Variants in SRRM4 observed in about 807,000 individuals in gnomAD.
SRRM4 encodes serine/arginine repetitive matrix protein 4.
A neutral mutation model predicts 68.9 loss-of-function variants in SRRM4; 33 were observed. The ratio of observed to expected loss-of-function variants is 0.48; its 90% CI spans 0.36 to 0.64. The LOEUF (loss-of-function observed/expected upper bound fraction) is 0.64, where lower values mean the gene tolerates loss of function less well. SRRM4 is among the 30% of genes least tolerant of loss of function. The pLI, the probability that SRRM4 is intolerant of heterozygous loss-of-function variation, is 0.00. For synonymous variants in SRRM4, 318 were observed against 318.8 expected, an observed-to-expected ratio of 1.00 and a Z score of 0.03; for missense variants, 817 against 827.1, an observed-to-expected ratio of 0.99 and a Z score of 0.15.
intron 8 of SRRM4, among the ~76,000 whole-genome samples, chr12:119,135,990 T>A (rs1444096296): frequency 6.6e-6 from 1 of 152,076 alleles, no homozygotes; most frequent in African/African-American, 2.4e-5. Flanking sequence ...ACACTAAGCA[T>A]CTACTGTCCT....
chr12:119,102,073 T>G (rs933813311), intron 1 of SRRM4, among the ~76,000 whole-genome samples, 163 bp from the exon 2 acceptor site: 1 of 152,204 alleles, frequency 6.6e-6, no homozygotes, highest in Non-Finnish European at 1.5e-5. Flanking sequence ...GGAAATTACA[T>G]GTGTTCCCTC....
chr12:119,003,997 T>C (rs1346465660), intron 1 of SRRM4, among the ~76,000 whole-genome samples: 3 of 152,072 alleles, frequency 2.0e-5, no homozygotes. Context: ...AATTGATCAG[T>C]TATTTAATTA....
chr12:119,075,258 C>A (rs1380686295), intron 1 of SRRM4, among the ~76,000 whole-genome samples: 1 of 152,158 alleles, frequency 6.6e-6, no homozygotes, highest in Non-Finnish European at 1.5e-5. Context: ...GATATTGTTT[C>A]TTCTTATTTA....
intron 8 of SRRM4, among the ~76,000 whole-genome samples, chr12:119,143,405 C>A (rs1592915410): frequency 6.6e-6 from 1 of 152,188 alleles, no homozygotes; most frequent in South Asian, 2.1e-4. Flanking sequence ...AGAAGACCCA[C>A]AAATTAGATG....
At chr12:119,082,194 G>A (rs531168091) in intron 1 of SRRM4, among the ~76,000 whole-genome samples, 5 of 152,108 alleles carry the variant, frequency 3.3e-5, no homozygotes, top group Admixed American at 2.0e-4. Flanking sequence ...CCTCTAAAGG[G>A]CTCAGCCGCT....
At chr12:119,132,608 G>A (rs1237979308) in intron 8 of SRRM4, among the ~76,000 whole-genome samples, 3 of 152,220 alleles carry the variant, frequency 2.0e-5, no homozygotes, top group Non-Finnish European at 4.4e-5. Flanking sequence ...ACAAGCTGGG[G>A]AGGTTACCAG....
At chr12:119,085,723 G>C (rs1953975958) in intron 1 of SRRM4, among the ~76,000 whole-genome samples, 2 of 152,200 alleles carry the variant, frequency 1.3e-5, no homozygotes, top group Non-Finnish European at 2.9e-5. Context: ...GCCAGGGTCA[G>C]GGTGAAAGCT....
At chr12:119,098,472 C>A (rs955798187) in intron 1 of SRRM4, among the ~76,000 whole-genome samples, 1 of 152,178 alleles carries the variant, frequency 6.6e-6, no homozygotes, top group African/African-American at 2.4e-5. Context: ...TCTCTTTGGC[C>A]AATTTTTTAC....
At chr12:119,008,986 GTAA>G (rs1953432350) in intron 1 of SRRM4, among the ~76,000 whole-genome samples, 1 of 152,168 alleles carries the variant, frequency 6.6e-6, no homozygotes, top group South Asian at 2.1e-4. Flanking sequence ...AGGGAAATCT[GTAA>G]TGAATCCGTG....
In SRRM4 at chr12:119,032,660, T is replaced by C. The variant is rs1029602512; in HGVS notation, c.131+50647T>C. Among the ~76,000 whole-genome samples the C allele has an allele frequency of 2.6e-4, 39 of 152,224 alleles. 1 individual carries two copies. Among genetic ancestry groups the C allele is most frequent in the Admixed American group, 2.6e-4 (4 of 15,284 alleles). ...AGATTAGGGTTATGCTAATCTCAAA[T>C]ACTTTGGGAAGCTTTCTCCCTTCTC... is the stretch of plus-strand genomic sequence containing the variant. On this transcript the variant is annotated intron_variant, in intron 1 of 12. Coordinates refer to ENST00000267260, the MANE Select transcript of SRRM4 (RefSeq NM_194286.4).
intron 1 of SRRM4, among the ~76,000 whole-genome samples, chr12:119,083,049 A>AC (rs978139959): frequency 1.3e-5 from 2 of 151,264 alleles, no homozygotes; most frequent in East Asian, 2.0e-4. Context: ...TCAATTCAGG[A>AC]CCCCCCTTGT....
intron 1 of SRRM4, among the ~76,000 whole-genome samples, chr12:119,064,422 AT>A (rs372601787): frequency 4.6e-4 from 70 of 152,130 alleles, no homozygotes; most frequent in African/African-American, 1.3e-3. Flanking sequence ...CACACATATA[AT>A]TTTTTTTAGT....
rs1954005864 is a variant in SRRM4 at position 119,090,305 on chromosome 12, T to G, written c.132-11931T>G. 3.3e-5 allele frequency among the ~76,000 whole-genome samples: 5 copies of G among 152,078 alleles called. No homozygotes were observed. In the South Asian group the frequency reaches 8.3e-4, roughly 25 times the overall value. On this transcript the variant is annotated intron_variant, in intron 1 of 12. Transcript: ENST00000267260. ...GATGGAATTCACAAGAAAGAAAGCCTGAGATAGAGGTCTGCGTGCATGTGA... is the reference window on the plus strand; with the variant it reads ...GATGGAATTCACAAGAAAGAAAGCCGGAGATAGAGGTCTGCGTGCATGTGA...
At chr12:118,991,469 T>C (rs1261272433) in intron 1 of SRRM4, among the ~76,000 whole-genome samples, 1 of 152,204 alleles carries the variant, frequency 6.6e-6, no homozygotes, top group African/African-American at 2.4e-5. Flanking sequence ...TTTGTAATTA[T>C]ATATGGATTT....
At position 119,120,256 on chromosome 12, in the gene SRRM4, C is replaced by T. The variant is rs1229213111; in HGVS notation, c.444C>T (p.Phe148=). The part of the protein sequence containing the change: ...SSKKHKRRRS[F]SKKRRHSSSS... ...TTTCTTTCTTTCTTTTCAGGTCATT[C>T]TCCAAGAAGAGAAGGCACAGGTAAG... Residue 148 remains phenylalanine, a synonymous_variant, in exon 5 of 13, where the codon TTC becomes TTT. Transcript: ENST00000267260. 3.2e-6 allele frequency: 5 copies of T among 1,547,018 alleles called. No individual in the cohort carries two copies. The African/African-American group carries it at 5.5e-5, about 17-fold the overall frequency.
intron 1 of SRRM4, among the ~76,000 whole-genome samples, chr12:119,012,409 A>G (rs1219527373): frequency 1.3e-5 from 2 of 152,228 alleles, no homozygotes; most frequent in Non-Finnish European, 2.9e-5. Context: ...AACATTCCTC[A>G]GAGACAAAGC....
intron 1 of SRRM4, among the ~76,000 whole-genome samples, chr12:119,096,187 A>T (rs1482557510): frequency 5.2e-5 from 7 of 134,352 alleles, no homozygotes; most frequent in Non-Finnish European, 9.6e-5. Flanking sequence ...CGCCCAGCTA[A>T]TTTTTTTTTT....
intron 8 of SRRM4, among the ~76,000 whole-genome samples, chr12:119,133,537 A>G (rs971768426): frequency 4.6e-5 from 7 of 152,194 alleles, no homozygotes; most frequent in African/African-American, 1.7e-4. Flanking sequence ...TGGCTCCTGG[A>G]AGAATCACAT....
chr12:118,986,481 G>A (rs1230278264), intron 1 of SRRM4, among the ~76,000 whole-genome samples: 1 of 152,206 alleles, frequency 6.6e-6, no homozygotes, highest in Non-Finnish European at 1.5e-5. Flanking sequence ...TTCAGTGAAT[G>A]TTGGATGCAT....
Sources: gnomAD v4.1 joint callset for allele counts (sites outside exome capture counted in the v4.1 genomes callset) on GRCh38, gnomAD v4.1.1 for gene constraint, MANE v1.5 for transcripts, NCBI Gene and HGNC (gene_info 2026-07-23, HGNC 2026-07-21) for gene names.